Variants in SIK3 observed in about 807,000 individuals in gnomAD.
The protein encoded by SIK3 is SIK family kinase 3, also known as serine/threonine-protein kinase SIK3.
SIK3 carries 28 observed loss-of-function variants against 144.2 expected under a neutral mutation model. The ratio of observed to expected loss-of-function variants is 0.19; its 90% CI spans 0.14 to 0.27. The LOEUF (loss-of-function observed/expected upper bound fraction) is 0.27. SIK3 is among the 10% of genes least tolerant of loss of function. The pLI is 1.00. For synonymous variants in SIK3, 686 were observed against 676.3 expected (o/e 1.01, Z -0.22); for missense variants, 1,319 against 1,776.0 (o/e 0.74, Z 4.62).
intron 1 of SIK3, among the ~76,000 whole-genome samples, chr11:116,959,790 A>G (rs1346057746): frequency 2.6e-5 from 4 of 152,210 alleles, no homozygotes; most frequent in Non-Finnish European, 4.4e-5. Context: ...CTGACTTACC[A>G]TATTTTCAAC....
At chr11:116,956,313 T>C (rs898126892) in intron 2 of SIK3, among the ~76,000 whole-genome samples, 6 of 150,724 alleles carry the variant, frequency 4.0e-5, no homozygotes, top group African/African-American at 9.8e-5. Flanking sequence ...TGGCATGAAA[T>C]ATGCATGTTT....
intron 1 of SIK3, among the ~76,000 whole-genome samples, chr11:117,089,828 C>T (rs1955166752): frequency 6.6e-6 from 1 of 152,218 alleles, no homozygotes; most frequent in Non-Finnish European, 1.5e-5. Context: ...AATGAGTCTG[C>T]TTCTCTTTCC....
chr11:117,079,093 GA>G (rs1471272199), intron 1 of SIK3, among the ~76,000 whole-genome samples: 7 of 152,088 alleles, frequency 4.6e-5, no homozygotes, highest in African/African-American at 1.4e-4. Context: ...TAAGTTAAAT[GA>G]ATGTTTCCAA....
Position 116,858,577 on chromosome 11 carries a change from G to A in SIK3, c.2888C>T (p.Ser963Phe), listed in dbSNP as rs775768343. Reference sequence around the variant, plus strand: ...AGGGACTTTCAGGGCTTGGGTTGGAGAGAACCCCACTCCTGTTGAAGGGCT... The same window carrying A: ...AGGGACTTTCAGGGCTTGGGTTGGAAAGAACCCCACTCCTGTTGAAGGGCT... ...SYSPSTGVGF[S>F]PTQALKVPPL... Residue 963 changes from serine (S) to phenylalanine (F), a missense_variant, in exon 21 of 25, where the codon TCT (serine) becomes TTT (phenylalanine). Ser to Phe is a radical substitution (Grantham distance 155). Around this residue, in one of 8 missense-constraint regions of SIK3, gnomAD observed 646 missense variants for 763.7 expected, o/e 0.85. Transcript: ENST00000445177. The surrounding 1 kb of genome is among the most constrained non-coding windows in gnomAD (Gnocchi z 5.4). The A allele has an allele frequency of 1.2e-6, 2 of 1,613,850 alleles. No homozygotes were observed. Among genetic ancestry groups the A allele is most frequent in the South Asian group, 1.1e-5 (1 of 90,970 alleles).
At chr11:117,056,015 G>A (rs1953499953) in intron 1 of SIK3, among the ~76,000 whole-genome samples, 4 of 152,188 alleles carry the variant, frequency 2.6e-5, no homozygotes, top group African/African-American at 4.8e-5. Context: ...TCCTATAGCA[G>A]CACAAAAGAA....
At chr11:116,894,131 C>T (rs1945273061) in intron 6 of SIK3, among the ~76,000 whole-genome samples, 1 of 152,142 alleles carries the variant, frequency 6.6e-6, no homozygotes, top group African/African-American at 2.4e-5. Context: ...GGAACAGTCT[C>T]TTCACTTGTC....
At chr11:116,874,144 C>A in intron 11 of SIK3, 88 bp from the exon 12 acceptor site, 1 of 1,266,272 alleles carries the variant, frequency 7.9e-7, no homozygotes, top group South Asian at 1.3e-5. Flanking sequence ...TTGCTATGTT[C>A]AGTACAACTT....
chr11:117,076,982 A>G (rs1433997802), intron 1 of SIK3, among the ~76,000 whole-genome samples: 1 of 152,176 alleles, frequency 6.6e-6, no homozygotes, highest in African/African-American at 2.4e-5. Context: ...AAACCGAGAC[A>G]CTGTCTATAC....
At chr11:116,909,095 A>G (rs1336362371) in intron 4 of SIK3, among the ~76,000 whole-genome samples, 1 of 152,238 alleles carries the variant, frequency 6.6e-6, no homozygotes, top group Non-Finnish European at 1.5e-5. Flanking sequence ...ATAAAAATGA[A>G]TAAATCGCAG....
At chr11:116,971,008 T>C (rs1027200432) in intron 1 of SIK3, among the ~76,000 whole-genome samples, 1 of 152,190 alleles carries the variant, frequency 6.6e-6, no homozygotes, top group Non-Finnish European at 1.5e-5. Flanking sequence ...AGCAGAAAAC[T>C]GCATTTACCA....
intron 3 of SIK3, among the ~76,000 whole-genome samples, chr11:116,944,378 A>ATTGTT (rs1475505608): frequency 6.6e-6 from 1 of 152,178 alleles, no homozygotes; most frequent in African/African-American, 2.4e-5. Context: ...CTGGATATAC[A>ATTGTT]TTGTTGGCTG....
intron 21 of SIK3, among the ~76,000 whole-genome samples, chr11:116,856,624 C>T (rs1200663793): frequency 6.6e-6 from 1 of 152,210 alleles, no homozygotes; most frequent in East Asian, 1.9e-4. Flanking sequence ...CACAGTACAT[C>T]TCACTGGAGC....
intron 2 of SIK3, among the ~76,000 whole-genome samples, chr11:116,955,901 T>C (rs12291040): frequency 0.072 from 11,031 of 152,254 alleles, 493 homozygotes; most frequent in Middle Eastern, 0.11. Context: ...CACATGTTAA[T>C]ATCACAACAT....
chr11:117,009,280 T>C (rs1302866206), intron 1 of SIK3, among the ~76,000 whole-genome samples: 3 of 147,398 alleles, frequency 2.0e-5, no homozygotes, highest in Non-Finnish European at 4.5e-5. Context: ...GCATGATAGC[T>C]CATGCCTGTA....
rs140891786 is a variant in SIK3 at position 116,875,940 on chromosome 11, G to T, written c.1165C>A (p.His389Asn). 6.2e-7 allele frequency: 1 copy of T among 1,613,316 alleles called. No homozygotes were observed. Among genetic ancestry groups the T allele is most frequent in the Non-Finnish European group, 8.5e-7 (1 of 1,179,832 alleles). Residue 389 changes from histidine to asparagine, a missense_variant, in exon 9 of 25, where the codon CAT becomes AAT. By Grantham distance (68) the His-to-Asn change is moderately conservative. Transcript: ENST00000445177. Reference protein sequence around the residue: ...YSLLCDRHKRHKTLRLGALPS... With the variant: ...YSLLCDRHKRNKTLRLGALPS... ...AGTGCTCCGAGACGCAGGGTTTTAT[G>T]TCTCTTATGTCGATCACACAGCAGG...
chr11:116,853,877 G>C (rs1176655058), intron 21 of SIK3, among the ~76,000 whole-genome samples: 1 of 152,244 alleles, frequency 6.6e-6, no homozygotes, highest in African/African-American at 2.4e-5. Flanking sequence ...TAGGGTGGCA[G>C]GCAGGGAGAT....
intron 21 of SIK3, among the ~76,000 whole-genome samples, chr11:116,856,310 C>A (rs1942926222): frequency 6.6e-6 from 1 of 152,092 alleles, no homozygotes; most frequent in Non-Finnish European, 1.5e-5. Flanking sequence ...CATCCCCATA[C>A]CATTATCCCA....
At chr11:117,064,595 A>G (rs1953928774) in intron 1 of SIK3, among the ~76,000 whole-genome samples, 2 of 152,208 alleles carry the variant, frequency 1.3e-5, no homozygotes, top group Non-Finnish European at 2.9e-5. Context: ...ATCAGACTTC[A>G]TAATTCTCCA....
chr11:116,858,129 T>C lies in SIK3; in HGVS notation c.3336A>G (p.Gln1112=), dbSNP rs547832673. 6.2e-7 allele frequency: 1 copy of C among 1,614,096 alleles called. No individual in the cohort carries two copies. The highest frequency in any genetic ancestry group is 1.3e-5 in the African/African-American group (1 of 75,020). The change falls in exon 21 of 25, where the codon CAA becomes CAG. Residue 1112 remains glutamine (Q), a synonymous_variant. Coordinates refer to ENST00000445177, the MANE Select transcript of SIK3 (RefSeq NM_001366686.3). This position sits in a 1 kb window ranked among gnomAD's most constrained non-coding sequence, Gnocchi z 5.4. The part of the protein sequence containing the change: ...HHHTSPQHLL[Q]IRAQECVSQA... The stretch of plus-strand genomic sequence containing the variant: ...GTGAGACACATTCTTGTGCCCTGAT[T>C]TGTAGCAGATGCTGGGGGCTGGTGT...
Sources: gnomAD v4.1 joint callset for allele counts (sites outside exome capture counted in the v4.1 genomes callset) on GRCh38, gnomAD v4.1.1 for gene constraint, gnomAD v4.1.1 regional missense constraint, Gnocchi (gnomAD v3.1) non-coding constraint, MANE v1.5 for transcripts, NCBI Gene and HGNC (gene_info 2026-07-23, HGNC 2026-07-21) for gene names.